The following LRBA variants were observed in gnomAD, a reference collection of about 807,000 sequenced individuals.
The protein encoded by LRBA is LPS responsive beige-like anchor protein.
In LRBA, 176 loss-of-function variants were observed where a neutral mutation model predicts 330.0. The ratio of observed to expected loss-of-function variants is 0.53; its 90% CI spans 0.47 to 0.60. The LOEUF (loss-of-function observed/expected upper bound fraction) is 0.60. LRBA is among the 20% of genes least tolerant of loss of function. LRBA has a pLI of 0.00. For synonymous variants in LRBA, 1,230 were observed against 1,193.0 expected (o/e 1.03, Z -0.64); for missense variants, 3,259 against 3,444.8 (o/e 0.95, Z 1.35).
intron 40 of LRBA, 57 bp downstream of exon 40, chr4:150,587,991 T>A: frequency 6.4e-7 from 1 of 1,564,760 alleles, no homozygotes; most frequent in Non-Finnish European, 8.6e-7. Flanking sequence ...CCCAATCCTA[T>A]CCAACAGCAC....
At chr4:150,267,243 T>G (rs1745465073) in intron 56 of LRBA, among the ~76,000 whole-genome samples, 1 of 152,230 alleles carries the variant, frequency 6.6e-6, no homozygotes, top group African/African-American at 2.4e-5. Context: ...ATATACATTT[T>G]TTTGCAGTGC....
intron 44 of LRBA, among the ~76,000 whole-genome samples, chr4:150,448,572 C>G (rs916628420): frequency 6.6e-6 from 1 of 152,124 alleles, no homozygotes; most frequent in South Asian, 2.1e-4. Context: ...GAGGCCGAGG[C>G]AGGTGGATCA....
intron 2 of LRBA, among the ~76,000 whole-genome samples, chr4:150,988,212 TC>T (rs1306763369): frequency 2.0e-5 from 3 of 152,124 alleles, no homozygotes; most frequent in Non-Finnish European, 2.9e-5. Flanking sequence ...GGATAAAGAA[TC>T]AAATTGCCAG....
In LRBA at chr4:150,398,104, G is replaced by C. The variant is rs1206725036; in HGVS notation, c.7194+17334C>G. Among the ~76,000 whole-genome samples the C allele has an allele frequency of 2.0e-5, 3 of 152,234 alleles. No individual in the cohort carries two copies. In the South Asian group the frequency reaches 6.2e-4, roughly 32 times the overall value. ...AGAAAATAAGGGATCATGAGATCCT[G>C]GCAAGAGTTTTTCTCCACAGACATT... is the stretch of plus-strand genomic sequence containing the variant. On this transcript the variant is annotated intron_variant, in intron 47 of 56. Transcript: ENST00000651943.
chr4:150,366,189 T>C (rs1022397894), intron 47 of LRBA, among the ~76,000 whole-genome samples: 7 of 152,172 alleles, frequency 4.6e-5, no homozygotes, highest in Non-Finnish European at 8.8e-5. Context: ...TGAGATTTTT[T>C]TTAAGCCTTT....
chr4:150,678,570 T>A (rs1346932866), intron 37 of LRBA, among the ~76,000 whole-genome samples: 1 of 152,210 alleles, frequency 6.6e-6, no homozygotes, highest in East Asian at 1.9e-4. Flanking sequence ...CCTGTTTTCT[T>A]TAACTAACAT....
intron 40 of LRBA, chr4:150,584,093 G>T (rs1771773288): frequency 1.3e-6 from 2 of 1,547,274 alleles, no homozygotes; most frequent in African/African-American, 1.4e-5. Flanking sequence ...AATCCCAAAA[G>T]CCTGGACAAA....
chr4:150,971,862 G>T (rs1739617988), intron 2 of LRBA, among the ~76,000 whole-genome samples: 1 of 152,102 alleles, frequency 6.6e-6, no homozygotes, highest in South Asian at 2.1e-4. Context: ...AGGTAAAAAT[G>T]GAGATGCCTT....
chr4:150,282,176 A>T, intron 55 of LRBA, among the ~76,000 whole-genome samples: 1 of 152,206 alleles, frequency 6.6e-6, no homozygotes, highest in East Asian at 1.9e-4. Context: ...ACTAAAAGCC[A>T]CCCAGGATGG....
At chr4:150,526,222 A>C (rs1357124376) in intron 40 of LRBA, among the ~76,000 whole-genome samples, 1 of 152,212 alleles carries the variant, frequency 6.6e-6, no homozygotes. Context: ...CTAAATTCAG[A>C]ATGACAGCTT....
intron 2 of LRBA, among the ~76,000 whole-genome samples, chr4:150,963,195 G>A (rs1404115768): frequency 1.4e-5 from 2 of 146,434 alleles, no homozygotes; most frequent in African/African-American, 2.7e-5. Flanking sequence ...CCCTTTGCAC[G>A]GTCCTCGTCT....
chr4:150,457,622 T>C (rs1320612794), intron 44 of LRBA, among the ~76,000 whole-genome samples: 1 of 151,938 alleles, frequency 6.6e-6, no homozygotes, highest in African/African-American at 2.4e-5. Context: ...AATGCATACA[T>C]GTTTTTTAAA....
At chr4:150,839,884 T>TA (rs561470627) in intron 28 of LRBA, among the ~76,000 whole-genome samples, 2,180 of 144,036 alleles carry the variant, frequency 0.015, 25 homozygotes, top group Admixed American at 0.033. Context: ...CTTAAAGTAT[T>TA]AAAAAAAAAA....
intron 14 of LRBA, among the ~76,000 whole-genome samples, chr4:150,898,081 C>G (rs1409182772): frequency 1.3e-5 from 2 of 151,554 alleles, no homozygotes; most frequent in African/African-American, 4.8e-5. Flanking sequence ...AAAGAATGTC[C>G]AAAACATAAA....
chr4:150,421,974 C>T (rs977105894), intron 46 of LRBA, among the ~76,000 whole-genome samples: 1 of 152,194 alleles, frequency 6.6e-6, no homozygotes, highest in African/African-American at 2.4e-5. Context: ...AACACAGGAG[C>T]TGGCTGGGTG....
chr4:150,668,036 G>A (rs1296782765), intron 37 of LRBA, among the ~76,000 whole-genome samples: 1 of 152,186 alleles, frequency 6.6e-6, no homozygotes, highest in Non-Finnish European at 1.5e-5. Context: ...TATAGTCAAT[G>A]TAGTTTCTTT....
chr4:150,349,952 T>C (rs777578228), intron 48 of LRBA, 40 bp downstream of exon 48: 3 of 1,584,180 alleles, frequency 1.9e-6, no homozygotes, highest in East Asian at 4.5e-5. Context: ...AGTTTAAATA[T>C]ACCTGACTAT....
chr4:150,524,716 T>C lies in LRBA; in HGVS notation c.6331-33681A>G, dbSNP rs573923441. ...TTAAACTCAGGCTACAGGTAGATTG[T>C]CCCTTCAACTTACAAATATTGTGTA... On this transcript the variant is annotated intron_variant, in intron 40 of 56. Coordinates refer to ENST00000651943, the MANE Select transcript of LRBA (RefSeq NM_001364905.1). Among the ~76,000 whole-genome samples the C allele has an allele frequency of 3.3e-5, 5 of 152,292 alleles. No homozygotes were observed. The South Asian group carries it at 6.2e-4, about 19-fold the overall frequency.
rs1320050602 is a variant in LRBA, at chr4:150,349,977, A to G, written c.7362+15T>C. ...TACCTGACTATAAGTTGCTTTCTCA[A>G]TTCAGATAACTTACCTCTCTCAACA... On this transcript the variant is annotated intron_variant, in intron 48 of 56. Transcript: ENST00000651943. 1.9e-6 allele frequency: 3 copies of G among 1,612,272 alleles called. No homozygotes were observed. Among genetic ancestry groups the G allele is most frequent in the Non-Finnish European group, 2.5e-6 (3 of 1,178,994 alleles).
Sources: allele counts gnomAD v4.1 joint callset (sites outside exome capture counted in the v4.1 genomes callset), GRCh38; gene constraint gnomAD v4.1.1; transcripts MANE v1.5; gene names NCBI Gene and HGNC (gene_info 2026-07-23, HGNC 2026-07-21).